Variants in ANKRD45 observed in about 807,000 individuals in gnomAD.
The protein encoded by ANKRD45 is ankyrin repeat domain 45.
ANKRD45 carries 21 observed loss-of-function variants against 28.1 expected under a neutral mutation model. The observed-to-expected ratio is 0.75, with a 90% CI of 0.53 to 1.08. The LOEUF (loss-of-function observed/expected upper bound fraction) is 1.08. ANKRD45 is among the 50% of genes least tolerant of loss of function. ANKRD45 has a pLI of 0.00. For synonymous variants in ANKRD45, 86 were observed against 103.9 expected, an observed-to-expected ratio of 0.83 and a Z score of 1.05; for missense variants, 261 against 308.7, an observed-to-expected ratio of 0.85 and a Z score of 1.16.
the ANKRD45 span, among the ~76,000 whole-genome samples, chr1:173,706,001 G>A: frequency 6.6e-6 from 1 of 152,166 alleles, no homozygotes; most frequent in East Asian, 1.9e-4. Flanking sequence ...TGCCTGAAGA[G>A]TATGCCATTA....
At chr1:173,624,672 A>T in intron 5 of ANKRD45, 115 bp downstream of exon 5, 2 of 1,083,402 alleles carry the variant, frequency 1.8e-6, no homozygotes, top group Non-Finnish European at 2.6e-6. Context: ...TGCTTGTAAC[A>T]ATGTTAATAA....
intron 5 of ANKRD45, among the ~76,000 whole-genome samples, chr1:173,615,644 G>A (rs1341565767): frequency 3.9e-5 from 6 of 152,124 alleles, no homozygotes; most frequent in Non-Finnish European, 8.8e-5. Context: ...GAATCTTCAT[G>A]TACTGCTGGT....
upstream of ANKRD45, among the ~76,000 whole-genome samples, chr1:173,670,258 A>G (rs115171888): frequency 4.7e-3 from 713 of 152,284 alleles, 6 homozygotes; most frequent in Non-Finnish European, 7.4e-3. Context: ...ACAAGTGCCA[A>G]CTACCTTAGG....
chr1:173,674,855 C>T, the ANKRD45 span, among the ~76,000 whole-genome samples: 1 of 152,194 alleles, frequency 6.6e-6, no homozygotes, highest in African/African-American at 2.4e-5. Flanking sequence ...TTCACATTTC[C>T]CCACTTTTTA....
At position 173,669,469 on chromosome 1, in the gene ANKRD45, G is replaced by T; in HGVS notation, c.-16+348C>A. 4 of 455,862 alleles carry T rather than the reference G, an allele frequency of 8.8e-6. No individual in the cohort carries two copies. The Middle Eastern group carries it at 1.3e-3, about 149-fold the overall frequency. The allele number at this position is 455,862 out of a possible 1,614,324, so 28.2% of individuals were successfully genotyped here. ...AGAAGGACCCCAAGGGCAACCCTGGGCACACAGAGTTAAACAAAGAGAAGG... is the reference window on the plus strand; with the variant it reads ...AGAAGGACCCCAAGGGCAACCCTGGTCACACAGAGTTAAACAAAGAGAAGG... On this transcript the variant is annotated intron_variant, in intron 1 of 5. Coordinates refer to ENST00000333279, the MANE Select transcript of ANKRD45 (RefSeq NM_198493.3).
the ANKRD45 span, among the ~76,000 whole-genome samples, chr1:173,678,118 TCA>T: frequency 3.3e-5 from 5 of 152,108 alleles, no homozygotes; most frequent in Non-Finnish European, 1.5e-5. Flanking sequence ...CAACACAGAT[TCA>T]CAGTCAAATA....
the ANKRD45 span, among the ~76,000 whole-genome samples, chr1:173,685,974 C>A: frequency 6.6e-6 from 1 of 152,104 alleles, no homozygotes; most frequent in East Asian, 1.9e-4. Context: ...TTGGGGCAGT[C>A]CATTCTTGCT....
intron 3 of ANKRD45, among the ~76,000 whole-genome samples, chr1:173,643,340 A>G (rs2102354023): frequency 6.6e-6 from 1 of 151,698 alleles, no homozygotes; most frequent in Middle Eastern, 3.4e-3. Flanking sequence ...TGCCCAGCTA[A>G]TTTTTGTATT....
At chr1:173,612,303 AGAAGGAAGGAAGGAAAGAAGGAAG>A (rs1210085165) in intron 5 of ANKRD45, among the ~76,000 whole-genome samples, 2 of 114,404 alleles carry the variant, frequency 1.7e-5, no homozygotes, top group Non-Finnish European at 3.5e-5. Context: ...AAAGAAGGAA[AGAAGGAAGGAAGGAAAGAAGGAAG>A]GAAGGAAGGA....
At chr1:173,699,774 C>T in the ANKRD45 span, among the ~76,000 whole-genome samples, 1 of 152,116 alleles carries the variant, frequency 6.6e-6, no homozygotes, top group Admixed American at 6.5e-5. Context: ...ACAGGGACGC[C>T]CTCTCTCACC....
At chr1:173,684,151 G>T in the ANKRD45 span, among the ~76,000 whole-genome samples, 89 of 152,278 alleles carry the variant, frequency 5.8e-4, 2 homozygotes, top group East Asian at 0.017. Flanking sequence ...GAATGAGTTA[G>T]GGTGGAGTAG....
At chr1:173,621,622 A>T (rs1319230927) in intron 5 of ANKRD45, among the ~76,000 whole-genome samples, 1 of 152,220 alleles carries the variant, frequency 6.6e-6, no homozygotes, top group African/African-American at 2.4e-5. Flanking sequence ...CATGTTAAAA[A>T]TTCTCAATAA....
the ANKRD45 span, among the ~76,000 whole-genome samples, chr1:173,685,342 G>A: frequency 1.1e-4 from 17 of 152,192 alleles, no homozygotes; most frequent in African/African-American, 1.9e-4. Flanking sequence ...TGCCCTCGGG[G>A]GCTGACCCAC....
intron 1 of ANKRD45, among the ~76,000 whole-genome samples, chr1:173,662,372 C>A (rs562756352): frequency 3.9e-5 from 6 of 152,146 alleles, no homozygotes; most frequent in East Asian, 3.9e-4. Flanking sequence ...CTATTACTAC[C>A]CTACATTAAT....
At position 173,646,957 on chromosome 1, in the gene ANKRD45, G is replaced by C. The variant is rs191985325; in HGVS notation, c.385C>G (p.Leu129Val). 711 of 1,614,106 alleles carry C rather than the reference G, an allele frequency of 4.4e-4. 4 individuals are homozygous for C. In the Admixed American group the frequency reaches 0.011, roughly 26 times the overall value. The change falls in exon 3 of 6, where the codon CTG (leucine) becomes GTG (valine). Residue 129 changes from leucine to valine, a missense_variant. By Grantham distance (32) the Leu-to-Val change is conservative (BLOSUM62 1). Transcript: ENST00000333279. ...AWGRLETLKALVELDVDIEAL... is the reference protein window; with the variant it reads ...AWGRLETLKAVVELDVDIEAL... Reference sequence around the variant, plus strand: ...TCTATATCAACATCCAGTTCTACCAGTGCTTTCAAAGTTTCCAAACGACCC... The same window carrying C: ...TCTATATCAACATCCAGTTCTACCACTGCTTTCAAAGTTTCCAAACGACCC...
At chr1:173,683,743 G>A in the ANKRD45 span, among the ~76,000 whole-genome samples, 1 of 152,166 alleles carries the variant, frequency 6.6e-6, no homozygotes, top group African/African-American at 2.4e-5. Context: ...ACAGCCTCAG[G>A]AGGTCCTGAT....
At chr1:173,677,960 T>C in the ANKRD45 span, among the ~76,000 whole-genome samples, 1 of 152,004 alleles carries the variant, frequency 6.6e-6, no homozygotes, top group African/African-American at 2.4e-5. Context: ...TTTAAGAAAA[T>C]ATTGTTAGCA....
rs145127170 is a variant in ANKRD45, at chr1:173,649,078, C to T, written c.329-2065G>A. Reference sequence around the variant, plus strand: ...TTAATACCCAAAGAGCTAATTCATTCCTTTTAATTATTGTGTAATATTCCA... The same window carrying T: ...TTAATACCCAAAGAGCTAATTCATTTCTTTTAATTATTGTGTAATATTCCA... On this transcript the variant is annotated intron_variant, in intron 2 of 5. Transcript: ENST00000333279. Among the ~76,000 whole-genome samples, 22 of 152,224 alleles carry T rather than the reference C, an allele frequency of 1.4e-4. 1 individual carries two copies. The highest frequency in any genetic ancestry group is 5.1e-4 in the African/African-American group (21 of 41,552).
At chr1:173,666,903 C>T (rs1670046694) in intron 1 of ANKRD45, among the ~76,000 whole-genome samples, 1 of 152,112 alleles carries the variant, frequency 6.6e-6, no homozygotes, top group Non-Finnish European at 1.5e-5. Context: ...AGATGTGTGC[C>T]ATCACACCAG....
Sources: allele counts gnomAD v4.1 joint callset (sites outside exome capture counted in the v4.1 genomes callset), GRCh38; gene constraint gnomAD v4.1.1; transcripts MANE v1.5; gene names NCBI Gene and HGNC (gene_info 2026-07-23, HGNC 2026-07-21).